Variants in SREK1 observed in about 807,000 individuals in gnomAD.
SREK1 encodes splicing regulatory glutamine/lysine-rich protein 1.
SREK1 carries 13 observed loss-of-function variants against 66.5 expected under a neutral mutation model. That is an observed-to-expected ratio of 0.20 (90% CI 0.13 to 0.31). SREK1 has a LOEUF of 0.31. SREK1 is among the 10% of genes least tolerant of loss of function. SREK1 has a pLI of 1.00. For synonymous variants in SREK1, 265 were observed against 263.5 expected, an observed-to-expected ratio of 1.01 and a Z score of -0.05; for missense variants, 607 against 769.6, an observed-to-expected ratio of 0.79 and a Z score of 2.50.
intron 2 of SREK1, chr5:66,158,063 A>G (rs1243782923): frequency 6.7e-6 from 1 of 150,204 alleles, no homozygotes; most frequent in Non-Finnish European, 1.5e-5. Flanking sequence ...ACCAGCTACC[A>G]CATGAGTGTT....
intron 3 of SREK1, among the ~76,000 whole-genome samples, chr5:66,160,378 AT>A (rs989146409): frequency 1.6e-4 from 24 of 152,150 alleles, no homozygotes; most frequent in African/African-American, 5.8e-4. Context: ...GAAGTGCAAA[AT>A]TTTAGATTTG....
rs1194446559 is a variant in SREK1 at position 66,181,887 on chromosome 5, A to G, written c.*3019A>G. On this transcript the variant is annotated 3_prime_UTR_variant, in exon 12 of 12. Coordinates refer to ENST00000334121, the MANE Select transcript of SREK1 (RefSeq NM_001077199.3). ...AATAAACACTGGCGTTTATAATGAAAAGGTTTTTTTGTCGGGGGGGGGGGG... is the reference window on the plus strand; with the variant it reads ...AATAAACACTGGCGTTTATAATGAAGAGGTTTTTTTGTCGGGGGGGGGGGG... 2.6e-5 allele frequency: 3 copies of G among 113,850 alleles called. No homozygotes were observed. Among genetic ancestry groups the G allele is most frequent in the African/African-American group, 3.5e-5 (1 of 28,420 alleles). The allele number at this position is 113,850 out of a possible 1,614,324, so 7.1% of individuals were successfully genotyped here. A position where few individuals can be genotyped will look rare whatever the true frequency, so the allele number is the denominator to read the frequency against.
rs115988602 is a variant in SREK1, at chr5:66,163,560, A to G, written c.756-232A>G. On this transcript the variant is annotated intron_variant, in intron 5 of 11. Transcript: ENST00000334121. ...CTAGTCTGTTTGAATTAAGTTAGCT[A>G]GGGTTCAATTTTTCTTTTCTCCCTG... 1.6e-3 allele frequency: 590 copies of G among 358,880 alleles called. 3 individuals carry two copies. The highest frequency in any genetic ancestry group is 0.012 in the African/African-American group (552 of 47,380). 22.2% of individuals were successfully genotyped at this position (358,880 alleles called of 1,614,324 possible). A position where few individuals can be genotyped will look rare whatever the true frequency, so the allele number is the denominator to read the frequency against.
intron 1 of SREK1, among the ~76,000 whole-genome samples, chr5:66,152,088 G>A (rs928825446): frequency 1.3e-5 from 2 of 151,976 alleles, no homozygotes; most frequent in African/African-American, 2.4e-5. Context: ...CTCGTGATCC[G>A]CCCGCCTTCC....
In SREK1 at chr5:66,157,528, G is replaced by A. The variant is rs949945528; in HGVS notation, c.296-1691G>A. On this transcript the variant is annotated intron_variant, in intron 2 of 11. Transcript: ENST00000334121. The stretch of plus-strand genomic sequence containing the variant: ...TTTGAGATAATACCAATTTATAACA[G>A]ATAAAACAGGTGAAATCAATATAAA... 3.1e-6 allele frequency: 3 copies of A among 983,488 alleles called. 1 individual carries two copies. The highest frequency in any genetic ancestry group is 9.4e-5 in the South Asian group (2 of 21,246). 60.9% of individuals were successfully genotyped at this position (983,488 alleles called of 1,614,324 possible).
chr5:66,147,846 A>G (rs896582992), intron 1 of SREK1, among the ~76,000 whole-genome samples: 2 of 152,278 alleles, frequency 1.3e-5, no homozygotes, highest in African/African-American at 4.8e-5. Flanking sequence ...GTATAGTGCT[A>G]TCATTATGTA....
chr5:66,163,686 TTC>T, intron 5 of SREK1, 104 bp from the exon 6 acceptor site: 1 of 1,199,412 alleles, frequency 8.3e-7, no homozygotes, highest in African/African-American at 1.5e-5. Flanking sequence ...TCTTACGTGC[TTC>T]TGAGATGTCC....
At chr5:66,149,472 AG>A (rs1743573455) in intron 1 of SREK1, among the ~76,000 whole-genome samples, 1 of 152,230 alleles carries the variant, frequency 6.6e-6, no homozygotes, top group Non-Finnish European at 1.5e-5. Flanking sequence ...ACCAGTTCCC[AG>A]GCTTCTGAAA....
chr5:66,167,707 C>T (rs1371746515), intron 7 of SREK1: 1 of 152,136 alleles, frequency 6.6e-6, no homozygotes, highest in East Asian at 1.9e-4. Flanking sequence ...GCCAAGTGAT[C>T]AGTGCTTTTT....
At position 66,164,626 on chromosome 5, in the gene SREK1, G is replaced by A. The variant is rs1479912252; in HGVS notation, c.887-157G>A. On this transcript the variant is annotated intron_variant, in intron 6 of 11. Coordinates refer to ENST00000334121, the MANE Select transcript of SREK1 (RefSeq NM_001077199.3). ...GCTGCAGGGTGGCTGCACTCAACGA[G>A]TTTATGCAATGACTTTCTTGGATGT... The A allele has an allele frequency of 2.6e-6, 4 of 1,549,110 alleles. No individual in the cohort carries two copies. In the South Asian group the frequency reaches 4.7e-5, roughly 18 times the overall value.
At position 66,178,913 on chromosome 5, in the gene SREK1, A is replaced by C. The variant is rs1274437321; in HGVS notation, c.*45A>C. The C allele has an allele frequency of 3.3e-6, 5 of 1,511,820 alleles. No homozygotes were observed. In the South Asian group the frequency reaches 6.9e-5, roughly 21 times the overall value. The allele number at this position is 1,511,820 out of a possible 1,614,324, so 93.7% of individuals were successfully genotyped here. On this transcript the variant is annotated 3_prime_UTR_variant, in exon 12 of 12. Coordinates refer to ENST00000334121, the MANE Select transcript of SREK1 (RefSeq NM_001077199.3). ...GCACTCAATGCTGGAATCAAATCCA[A>C]AGCTTTTAATTCTCTCAACAAGATG...
At chr5:66,163,602 C>T in intron 5 of SREK1, 190 bp from the exon 6 acceptor site, 1 of 459,276 alleles carries the variant, frequency 2.2e-6, no homozygotes, top group South Asian at 5.4e-5. Flanking sequence ...GTTGTATTCG[C>T]AAGGAATGAT....
chr5:66,177,171 C>G (rs949134000), intron 10 of SREK1, among the ~76,000 whole-genome samples: 1 of 152,074 alleles, frequency 6.6e-6, no homozygotes, highest in Non-Finnish European at 1.5e-5. Flanking sequence ...CGAAATGAGG[C>G]GGATACATAT....
intron 1 of SREK1, 124 bp downstream of exon 1, chr5:66,144,661 TG>T: frequency 7.1e-7 from 1 of 1,414,184 alleles, no homozygotes; most frequent in Non-Finnish European, 9.3e-7. Context: ...CGGCTTACCT[TG>T]GTGCCCATAT....
intron 1 of SREK1, 26 bp from the exon 2 acceptor site, chr5:66,153,437 C>T (rs1744022001): frequency 1.3e-6 from 2 of 1,598,830 alleles, no homozygotes; most frequent in Non-Finnish European, 1.7e-6. Context: ...TTTATTAGTT[C>T]AATTGTTTTT....
intron 4 of SREK1, 24 bp from the exon 5 acceptor site, chr5:66,162,390 C>G (rs769053565): frequency 3.1e-6 from 5 of 1,610,568 alleles, no homozygotes; most frequent in Non-Finnish European, 4.2e-6. Flanking sequence ...TATATTTTAT[C>G]AAAGTGTCAC....
chr5:66,156,272 G>C (rs1442654405), intron 2 of SREK1: 1 of 1,314,866 alleles, frequency 7.6e-7, no homozygotes, highest in African/African-American at 1.5e-5. Flanking sequence ...TTTTGTTTTT[G>C]TTTTTGTTTT....
At chr5:66,159,829 G>A (rs1241844180) in intron 3 of SREK1, among the ~76,000 whole-genome samples, 4 of 152,094 alleles carry the variant, frequency 2.6e-5, no homozygotes, top group African/African-American at 9.7e-5. Flanking sequence ...TTTCCAAGTG[G>A]GATTAAAAAA....
At chr5:66,151,963 A>C (rs1475134802) in intron 1 of SREK1, among the ~76,000 whole-genome samples, 1 of 145,548 alleles carries the variant, frequency 6.9e-6, no homozygotes, top group Non-Finnish European at 1.5e-5. Context: ...CTCCTGCCTC[A>C]GCCTCCTGAG....
Sources: gnomAD v4.1 joint callset for allele counts (sites outside exome capture counted in the v4.1 genomes callset) on GRCh38, gnomAD v4.1.1 for gene constraint, MANE v1.5 for transcripts, NCBI Gene and HGNC (gene_info 2026-07-23, HGNC 2026-07-21) for gene names.